Variants in PLPP5 observed in about 807,000 individuals in gnomAD.
The protein encoded by PLPP5 is diacylglycerol pyrophosphate like 1.
Under a neutral mutation model 23.6 loss-of-function variants are expected in PLPP5, and 29 were observed. The ratio of observed to expected loss-of-function variants is 1.23; its 90% CI spans 0.92 to 1.68. The LOEUF (loss-of-function observed/expected upper bound fraction) is 1.68, where lower values mean the gene tolerates loss of function less well. Among genes scored for constraint, PLPP5 ranks in the 40% most tolerant of loss-of-function variants. The probability of loss-of-function intolerance (pLI) is 0.00; values close to 1 mark genes in which losing one functional copy is unlikely to be tolerated. For synonymous variants in PLPP5, 143 were observed against 131.3 expected (o/e 1.09, Z -0.61); for missense variants, 315 against 332.1 (o/e 0.95, Z 0.40).
chr8:38,265,330 A>G (rs1331144728), intron 6 of PLPP5, among the ~76,000 whole-genome samples: 1 of 152,008 alleles, frequency 6.6e-6, no homozygotes, highest in Non-Finnish European at 1.5e-5. Context: ...AAAATTTAAA[A>G]TAGGGTTCCT....
chr8:38,264,920 C>T (rs1324563775), intron 6 of PLPP5: 1 of 1,612,622 alleles, frequency 6.2e-7, no homozygotes. Context: ...TATTGCTATT[C>T]ATCTGCCCAT....
intron 3 of PLPP5, 54 bp from the exon 4 acceptor site, chr8:38,268,014 CAT>C: frequency 6.2e-7 from 1 of 1,613,126 alleles, no homozygotes; most frequent in Non-Finnish European, 8.5e-7. Flanking sequence ...AAGGTATGGT[CAT>C]GGCCTCGTTA....
At position 38,267,917 on chromosome 8, in the gene PLPP5, T is replaced by A; in HGVS notation, c.318A>T (p.Thr106=). The change falls in exon 4 of 7, where the codon ACA becomes ACT. Residue 106 remains threonine (T), a synonymous_variant. Coordinates refer to ENST00000424479, the MANE Select transcript of PLPP5 (RefSeq NM_001102559.2). The stretch of plus-strand genomic sequence containing the variant: ...CTTACCTCCCTACGATCAGTTTTAT[T>A]GTGTTGGTAAAGACGCCATTCAGAG... ...ALALNGVFTN[T]IKLIVGRPRP... 1 of 1,613,948 alleles carries A rather than the reference T, an allele frequency of 6.2e-7. No homozygotes were observed. Among genetic ancestry groups the A allele is most frequent in the Non-Finnish European group, 8.5e-7 (1 of 1,179,898 alleles).
rs761170544 is a variant in PLPP5, at chr8:38,269,130, A to G, written c.70T>C (p.Phe24Leu). The G allele has an allele frequency of 2.0e-6, 3 of 1,522,124 alleles. No homozygotes were observed. In the South Asian group the frequency reaches 3.6e-5, roughly 18 times the overall value. 94.3% of individuals were successfully genotyped at this position (1,522,124 alleles called of 1,614,324 possible). The change falls in exon 1 of 7, where the codon TTC (phenylalanine) becomes CTC (leucine). Residue 24 changes from phenylalanine to leucine, a missense_variant. Transcript: ENST00000424479. Reference sequence around the variant, plus strand: ...CCGGCCGTGGATCTTTCTTACAGGAAGGCCGCGAACAGCGCGAGCCGCACG... The same window carrying G: ...CCGGCCGTGGATCTTTCTTACAGGAGGGCCGCGAACAGCGCGAGCCGCACG... ...VGVRLALFAA[F>L]LVTELLPPFQ... is the part of the protein sequence containing the mutation.
At chr8:38,266,525 C>T (rs1017011253) in intron 5 of PLPP5, 19 of 473,378 alleles carry the variant, frequency 4.0e-5, no homozygotes, top group East Asian at 2.4e-4. Context: ...CTTAGCCTCC[C>T]GAGTAGCTGG....
At chr8:38,266,496 G>A (rs1807615578) in intron 5 of PLPP5, 185 bp from the exon 6 acceptor site, 1 of 552,842 alleles carries the variant, frequency 1.8e-6, no homozygotes, top group East Asian at 3.3e-5. Flanking sequence ...CACCACCCGG[G>A]TTCAAGCGAT....
chr8:38,268,356 AGGG>A lies in PLPP5; in HGVS notation c.274+12_274+14del. ...CCCAGCACGAAGAAACCGGCCCGAA[AGGG>A]CTAGCGCTCACCCAGGCAGGCTTGT... is the stretch of plus-strand genomic sequence containing the variant. On this transcript the variant is annotated intron_variant, in intron 3 of 6. Coordinates refer to ENST00000424479, the MANE Select transcript of PLPP5 (RefSeq NM_001102559.2). 1.3e-6 allele frequency: 2 copies of A among 1,556,910 alleles called. No individual in the cohort carries two copies. The highest frequency in any genetic ancestry group is 1.7e-6 in the Non-Finnish European group (2 of 1,149,776).
intron 5 of PLPP5, 183 bp from the exon 6 acceptor site, chr8:38,266,494 G>A (rs1177371828): frequency 4.2e-5 from 23 of 554,004 alleles, no homozygotes; most frequent in Admixed American, 3.2e-4. Flanking sequence ...TCCACCACCC[G>A]GGTTCAAGCG....
At position 38,263,295 on chromosome 8, in the gene PLPP5, T is replaced by C; in HGVS notation, c.*1149A>G. Reference sequence around the variant, plus strand: ...TGACATCCCATAATTGTTCCTTATATTCCATTGTGAAGAAGGGGCAGAAAA... The same window carrying C: ...TGACATCCCATAATTGTTCCTTATACTCCATTGTGAAGAAGGGGCAGAAAA... On this transcript the variant is annotated 3_prime_UTR_variant, in exon 7 of 7. Transcript: ENST00000424479. 1 of 723,688 alleles carries C rather than the reference T, an allele frequency of 1.4e-6. No individual in the cohort carries two copies. The highest frequency in any genetic ancestry group is 1.7e-6 in the Non-Finnish European group (1 of 591,180). The allele number at this position is 723,688 out of a possible 1,614,324, so 44.8% of individuals were successfully genotyped here.
Position 38,263,441 on chromosome 8 carries a change from G to A in PLPP5, c.*1003C>T. On this transcript the variant is annotated 3_prime_UTR_variant, in exon 7 of 7. Coordinates refer to ENST00000424479, the MANE Select transcript of PLPP5 (RefSeq NM_001102559.2). ...TGAATGGAAGGAAAGAAGCTCACAA[G>A]TACAGTTATGGTCAAATGAGGTAGA... is the stretch of plus-strand genomic sequence containing the variant. 1 of 985,334 alleles carries A rather than the reference G, an allele frequency of 1.0e-6. No individual in the cohort carries two copies. Among genetic ancestry groups the A allele is most frequent in the Non-Finnish European group, 1.2e-6 (1 of 829,822 alleles). The allele number at this position is 985,334 out of a possible 1,614,324, so 61.0% of individuals were successfully genotyped here. A position where few individuals can be genotyped will look rare whatever the true frequency, so the allele number is the denominator to read the frequency against.
intron 5 of PLPP5, 192 bp downstream of exon 5, chr8:38,267,075 C>G: frequency 3.5e-6 from 5 of 1,434,834 alleles, no homozygotes; most frequent in Non-Finnish European, 4.6e-6. Flanking sequence ...AGGTAAACTA[C>G]CTTTCTGTTC....
intron 4 of PLPP5, 179 bp downstream of exon 4, chr8:38,267,718 G>T: frequency 1.5e-6 from 1 of 688,312 alleles, no homozygotes; most frequent in Middle Eastern, 2.9e-4. Flanking sequence ...AAGAGCCCAG[G>T]TGTCACCTGG....
intron 2 of PLPP5, 96 bp from the exon 3 acceptor site, chr8:38,268,557 A>G: frequency 1.3e-6 from 2 of 1,512,528 alleles, no homozygotes; most frequent in Non-Finnish European, 8.8e-7. Context: ...GACTCACTGG[A>G]GCTAACATAA....
chr8:38,267,767 CA>C (rs1563328820), intron 4 of PLPP5, 129 bp downstream of exon 4: 2 of 1,007,480 alleles, frequency 2.0e-6, no homozygotes, highest in East Asian at 2.5e-5. Flanking sequence ...CGTTGAATGA[CA>C]AAAGAAAAAT....
At chr8:38,268,143 A>G in intron 3 of PLPP5, 183 bp from the exon 4 acceptor site, 1 of 1,384,852 alleles carries the variant, frequency 7.2e-7, no homozygotes, top group South Asian at 1.5e-5. Flanking sequence ...ACTAGGCCAA[A>G]GACATTTCTG....
In PLPP5 at chr8:38,263,370, C is replaced by G. The variant is rs1320274831; in HGVS notation, c.*1074G>C. 1.0e-6 allele frequency: 1 copy of G among 985,066 alleles called. No homozygotes were observed. Among genetic ancestry groups the G allele is most frequent in the Non-Finnish European group, 1.2e-6 (1 of 829,816 alleles). 61.0% of individuals were successfully genotyped at this position (985,066 alleles called of 1,614,324 possible). ...GATACCTGTCATTTTTCTTTTCTAC[C>G]TTAGTCACTTGGCAGTGTTGGTGCA... On this transcript the variant is annotated 3_prime_UTR_variant, in exon 7 of 7. Transcript: ENST00000424479.
intron 5 of PLPP5, 162 bp downstream of exon 5, chr8:38,267,105 G>A (rs1807739249): frequency 2.0e-6 from 3 of 1,479,636 alleles, no homozygotes; most frequent in South Asian, 2.8e-5. Context: ...TACCCAAATA[G>A]TCAAGGCTCA....
At chr8:38,268,280 G>A in intron 3 of PLPP5, 91 bp downstream of exon 3, 2 of 1,210,500 alleles carry the variant, frequency 1.7e-6, no homozygotes, top group Non-Finnish European at 2.3e-6. Flanking sequence ...AGAACTCAGT[G>A]GCCTCCACAC....
At chr8:38,267,810 A>G in intron 4 of PLPP5, 87 bp downstream of exon 4, 1 of 1,296,166 alleles carries the variant, frequency 7.7e-7, no homozygotes, top group South Asian at 1.2e-5. Context: ...AAGAATGAGA[A>G]AGACGTGTGG....
Sources: allele counts gnomAD v4.1 joint callset (sites outside exome capture counted in the v4.1 genomes callset), GRCh38; gene constraint gnomAD v4.1.1; transcripts MANE v1.5; gene names NCBI Gene and HGNC (gene_info 2026-07-23, HGNC 2026-07-21).